ETFA: variants seen among roughly 807,000 people sequenced by gnomAD.
The protein encoded by ETFA is electron transfer flavoprotein subunit alpha.
In ETFA, 22 loss-of-function variants were observed where a neutral mutation model predicts 46.2. The observed-to-expected ratio is 0.48, with a 90% confidence interval of 0.34 to 0.68. The LOEUF is 0.68. ETFA is among the 30% of genes least tolerant of loss of function. ETFA has a pLI of 0.01. For synonymous variants in ETFA, 131 were observed against 139.9 expected, an observed-to-expected ratio of 0.94 and a Z score of 0.45; for missense variants, 345 against 401.1, an observed-to-expected ratio of 0.86 and a Z score of 1.19.
At chr15:76,228,031 C>T (rs1009055746) in intron 10 of ETFA, 32 of 451,934 alleles carry the variant, frequency 7.1e-5, no homozygotes, top group Admixed American at 6.4e-4. Flanking sequence ...TTTGCATTGG[C>T]GTGTTTCTCT....
At chr15:76,254,022 T>G (rs1443642101) in intron 9 of ETFA, among the ~76,000 whole-genome samples, 1 of 152,202 alleles carries the variant, frequency 6.6e-6, no homozygotes, top group African/African-American at 2.4e-5. Flanking sequence ...CAGGCAGCAC[T>G]GAAGGAGGCA....
At chr15:76,240,183 G>A (rs2039170740) in intron 9 of ETFA, among the ~76,000 whole-genome samples, 1 of 152,236 alleles carries the variant, frequency 6.6e-6, no homozygotes, top group Non-Finnish European at 1.5e-5. Context: ...AAAGGGAAAT[G>A]TCTAGAGGCA....
chr15:76,310,719 C>T (rs1341035428), intron 1 of ETFA, among the ~76,000 whole-genome samples: 1 of 152,220 alleles, frequency 6.6e-6, no homozygotes, highest in African/African-American at 2.4e-5. Flanking sequence ...AAGACGTCTG[C>T]CTTTCAAAAC....
intron 9 of ETFA, among the ~76,000 whole-genome samples, chr15:76,249,582 C>T (rs2039278072): frequency 6.6e-6 from 1 of 151,796 alleles, no homozygotes; most frequent in Non-Finnish European, 1.5e-5. Context: ...GCTGGGACTA[C>T]AGGCGCCCGC....
At chr15:76,226,035 C>A in intron 10 of ETFA, 106 bp from the exon 11 acceptor site, 2 of 733,594 alleles carry the variant, frequency 2.7e-6, no homozygotes, top group Non-Finnish European at 4.8e-6. Flanking sequence ...AAATGTCTAC[C>A]AAATAAGATT....
intron 8 of ETFA, among the ~76,000 whole-genome samples, chr15:76,282,946 G>A (rs2039669637): frequency 1.3e-5 from 2 of 151,864 alleles, no homozygotes. Context: ...ACATGCTACT[G>A]TGCCTGGCTT....
intron 1 of ETFA, among the ~76,000 whole-genome samples, chr15:76,306,844 C>A (rs1449156598): frequency 1.3e-5 from 2 of 152,292 alleles, no homozygotes; most frequent in East Asian, 3.9e-4. Flanking sequence ...GGACAAGACT[C>A]TTAGTAGACA....
chr15:76,225,502 G>A (rs889444490), intron 11 of ETFA, among the ~76,000 whole-genome samples: 2 of 152,004 alleles, frequency 1.3e-5, no homozygotes, highest in African/African-American at 4.8e-5. Context: ...TGTTAGCCAG[G>A]ATGGTCTCGA....
chr15:76,298,554 G>A (rs1180530262), intron 1 of ETFA, among the ~76,000 whole-genome samples: 1 of 152,128 alleles, frequency 6.6e-6, no homozygotes. Flanking sequence ...TTCCTACAAA[G>A]TCTATGATGG....
At chr15:76,254,922 C>T (rs1344226926) in intron 9 of ETFA, among the ~76,000 whole-genome samples, 1 of 152,132 alleles carries the variant, frequency 6.6e-6, no homozygotes, top group Non-Finnish European at 1.5e-5. Context: ...CTAAAGGTTT[C>T]CTTGTGCCTG....
intron 11 of ETFA, among the ~76,000 whole-genome samples, 198 bp downstream of exon 11, chr15:76,225,651 T>C (rs959779083): frequency 1.3e-5 from 2 of 152,204 alleles, no homozygotes; most frequent in Non-Finnish European, 2.9e-5. Flanking sequence ...TAATGCTCTA[T>C]ATAAACAACA....
intron 1 of ETFA, among the ~76,000 whole-genome samples, chr15:76,304,373 T>C (rs1231506390): frequency 1.3e-5 from 2 of 152,128 alleles, no homozygotes. Flanking sequence ...AAATAATCTG[T>C]ACATCAAACC....
intron 9 of ETFA, among the ~76,000 whole-genome samples, chr15:76,243,208 T>G (rs572826565): frequency 1.3e-5 from 2 of 151,888 alleles, no homozygotes; most frequent in African/African-American, 4.8e-5. Context: ...GGCAGGAGAA[T>G]TGCTTGAACC....
chr15:76,273,562 C>G (rs1166045731), intron 9 of ETFA, among the ~76,000 whole-genome samples: 1 of 149,708 alleles, frequency 6.7e-6, no homozygotes, highest in Non-Finnish European at 1.5e-5. Context: ...TCAAACAAAA[C>G]AAAACAAAAC....
At chr15:76,291,800 G>A (rs1411579844) in intron 4 of ETFA, among the ~76,000 whole-genome samples, 1 of 151,914 alleles carries the variant, frequency 6.6e-6, no homozygotes, top group African/African-American at 2.4e-5. Flanking sequence ...ATTAAGAATG[G>A]AACAAAAGAA....
At chr15:76,219,722 T>C (rs766420536) in intron 11 of ETFA, among the ~76,000 whole-genome samples, 12 of 152,342 alleles carry the variant, frequency 7.9e-5, no homozygotes, top group Middle Eastern at 3.4e-3. Context: ...TCTTTTCATA[T>C]GCTTATGTGC....
At chr15:76,227,562 A>G (rs554878797) in intron 10 of ETFA, among the ~76,000 whole-genome samples, 26 of 150,570 alleles carry the variant, frequency 1.7e-4, no homozygotes, top group Middle Eastern at 3.4e-3. Context: ...TCTTTTATTA[A>G]TATCAGATAG....
intron 11 of ETFA, among the ~76,000 whole-genome samples, chr15:76,222,504 T>C (rs2142105431): frequency 6.6e-6 from 1 of 152,312 alleles, no homozygotes; most frequent in African/African-American, 2.4e-5. Flanking sequence ...TGATTTCAGC[T>C]GAGAAAACAA....
chr15:76,229,201 T>C (rs921592242), intron 10 of ETFA: 1 of 152,244 alleles, frequency 6.6e-6, no homozygotes, highest in Non-Finnish European at 1.5e-5. Context: ...TATCCCATTT[T>C]AGAACTAAAG....
Sources: gnomAD v4.1 joint callset for allele counts (sites outside exome capture counted in the v4.1 genomes callset) on GRCh38, gnomAD v4.1.1 for gene constraint, MANE v1.5 for transcripts, NCBI Gene and HGNC (gene_info 2026-07-23, HGNC 2026-07-21) for gene names.